Variants in EDAR observed in about 807,000 individuals in gnomAD.
EDAR encodes tumor necrosis factor receptor superfamily member EDAR.
A neutral mutation model predicts 51.3 loss-of-function variants in EDAR; 38 were observed. The ratio of observed to expected loss-of-function variants is 0.74; its 90% CI spans 0.57 to 0.97. The LOEUF is 0.97. Among genes scored for constraint, EDAR ranks in the 50% least tolerant of loss-of-function variants. The pLI, the probability that EDAR is intolerant of heterozygous loss-of-function variation, is 0.00. For synonymous variants in EDAR, 227 were observed against 242.1 expected, an observed-to-expected ratio of 0.94 and a Z score of 0.58; for missense variants, 528 against 595.0, an observed-to-expected ratio of 0.89 and a Z score of 1.17.
intron 6 of EDAR, 150 bp from the exon 7 acceptor site, chr2:108,911,222 C>A (rs1696924290): frequency 4.0e-6 from 4 of 990,272 alleles, no homozygotes; most frequent in Middle Eastern, 6.3e-4. Context: ...GACTGAGAAC[C>A]AAATCCTCCG....
chr2:108,901,191 G>T (rs1394621442), intron 11 of EDAR, among the ~76,000 whole-genome samples: 1 of 152,064 alleles, frequency 6.6e-6, no homozygotes, highest in Non-Finnish European at 1.5e-5. Flanking sequence ...ATATATAACA[G>T]AAAAATCTTC....
chr2:108,970,144 C>T (rs747264527), intron 1 of EDAR, among the ~76,000 whole-genome samples: 6 of 152,126 alleles, frequency 3.9e-5, no homozygotes, highest in African/African-American at 1.4e-4. Flanking sequence ...GAGCTTTGCA[C>T]TGAGAGGGGA....
At chr2:108,914,503 C>T (rs1696991346) in intron 5 of EDAR, among the ~76,000 whole-genome samples, 1 of 152,120 alleles carries the variant, frequency 6.6e-6, no homozygotes, top group Non-Finnish European at 1.5e-5. Context: ...AAAAGTGTGA[C>T]TTAGCGGGGA....
At chr2:108,926,310 C>A (rs777334921) in intron 4 of EDAR, among the ~76,000 whole-genome samples, 1 of 152,152 alleles carries the variant, frequency 6.6e-6, no homozygotes, top group East Asian at 1.9e-4. Context: ...GCCCCCCAAC[C>A]CCTGTTCTAC....
At chr2:108,960,089 C>T (rs117454573) in intron 1 of EDAR, among the ~76,000 whole-genome samples, 1 of 152,162 alleles carries the variant, frequency 6.6e-6, no homozygotes, top group Admixed American at 6.5e-5. Context: ...GCCTGTCCAC[C>T]CTGCACACCC....
chr2:108,959,710 TC>T (rs1475291237), intron 1 of EDAR, among the ~76,000 whole-genome samples: 1 of 152,164 alleles, frequency 6.6e-6, no homozygotes, highest in Non-Finnish European at 1.5e-5. Context: ...AGTGGAGATT[TC>T]GCCTTTCCCC....
chr2:108,947,978 A>C (rs1558826446), intron 1 of EDAR, among the ~76,000 whole-genome samples: 1 of 152,212 alleles, frequency 6.6e-6, no homozygotes, highest in Non-Finnish European at 1.5e-5. Context: ...CTTCCTTTTT[A>C]AACATAAGTT....
intron 1 of EDAR, among the ~76,000 whole-genome samples, chr2:108,967,954 C>G (rs892737504): frequency 6.6e-6 from 1 of 152,140 alleles, no homozygotes; most frequent in Non-Finnish European, 1.5e-5. Context: ...AGGGCCCCAG[C>G]CACAGGGGTA....
At chr2:108,942,739 C>A (rs1326245104) in intron 1 of EDAR, among the ~76,000 whole-genome samples, 7 of 152,360 alleles carry the variant, frequency 4.6e-5, no homozygotes. Flanking sequence ...CGCTCCCAGG[C>A]ACCACCCTGG....
intron 1 of EDAR, among the ~76,000 whole-genome samples, chr2:108,986,729 T>A (rs2104494017): frequency 6.6e-6 from 1 of 152,332 alleles, no homozygotes; most frequent in East Asian, 1.9e-4. Context: ...TGATTAGACA[T>A]CAGCTTATGT....
At chr2:108,980,959 G>A (rs1698409069) in intron 1 of EDAR, among the ~76,000 whole-genome samples, 2 of 125,582 alleles carry the variant, frequency 1.6e-5, no homozygotes, top group Non-Finnish European at 3.5e-5. Flanking sequence ...GGAAAGACAG[G>A]GACCTCTGAC....
chr2:108,983,073 A>G (rs1372102577), intron 1 of EDAR, among the ~76,000 whole-genome samples: 1 of 152,212 alleles, frequency 6.6e-6, no homozygotes, highest in Non-Finnish European at 1.5e-5. Context: ...ACCGATGCAC[A>G]ATTAGTTTGT....
At chr2:108,907,175 TA>T (rs1199690961) in intron 10 of EDAR, among the ~76,000 whole-genome samples, 1 of 152,246 alleles carries the variant, frequency 6.6e-6, no homozygotes, top group Admixed American at 6.5e-5. Context: ...CCTGTTTTTA[TA>T]TTTTTAAAAA....
intron 5 of EDAR, among the ~76,000 whole-genome samples, chr2:108,921,604 G>T (rs1339648828): frequency 6.6e-6 from 1 of 152,224 alleles, no homozygotes; most frequent in African/African-American, 2.4e-5. Flanking sequence ...CTGTGTGTGT[G>T]GGTCTTAGTG....
intron 1 of EDAR, among the ~76,000 whole-genome samples, chr2:108,987,441 G>A (rs1290299873): frequency 6.6e-6 from 1 of 152,220 alleles, no homozygotes; most frequent in Non-Finnish European, 1.5e-5. Context: ...CTAGGCAAGA[G>A]GGTACCATGA....
At chr2:108,975,470 T>A (rs1170966985) in intron 1 of EDAR, among the ~76,000 whole-genome samples, 1 of 152,092 alleles carries the variant, frequency 6.6e-6, no homozygotes, top group Admixed American at 6.5e-5. Flanking sequence ...GCGTCTACTT[T>A]AACCTGGGAC....
At chr2:108,954,313 G>A (rs2104379316) in intron 1 of EDAR, among the ~76,000 whole-genome samples, 1 of 152,224 alleles carries the variant, frequency 6.6e-6, no homozygotes, top group Non-Finnish European at 1.5e-5. Context: ...AAGATATATG[G>A]GCTGCCATTT....
At chr2:108,943,584 C>T (rs1358666480) in intron 1 of EDAR, among the ~76,000 whole-genome samples, 2 of 152,196 alleles carry the variant, frequency 1.3e-5, no homozygotes, top group African/African-American at 4.8e-5. Context: ...TGACATGGGG[C>T]AGTCACCACG....
At chr2:108,915,323 T>TG (rs1252502484) in intron 5 of EDAR, among the ~76,000 whole-genome samples, 19 of 152,192 alleles carry the variant, frequency 1.2e-4, no homozygotes, top group Admixed American at 1.2e-3. Flanking sequence ...CTGCTCTAAA[T>TG]GGAGCAGGGC....
Sources: gnomAD v4.1 joint callset for allele counts (sites outside exome capture counted in the v4.1 genomes callset) on GRCh38, gnomAD v4.1.1 for gene constraint, MANE v1.5 for transcripts, NCBI Gene and HGNC (gene_info 2026-07-23, HGNC 2026-07-21) for gene names.